KIF6: variants seen among roughly 807,000 people sequenced by gnomAD.
KIF6 encodes kinesin-like protein KIF6.
KIF6 carries 106 observed loss-of-function variants against 112.7 expected under a neutral mutation model. The observed-to-expected ratio is 0.94, with a 90% confidence interval of 0.80 to 1.11. KIF6 has a LOEUF of 1.11. Ranked by LOEUF, KIF6 falls within the 50% of genes least tolerant of loss-of-function variation. KIF6 has a pLI of 0.00. For missense variants in KIF6, 929 were observed against 964.0 expected (o/e 0.96, Z 0.48); for synonymous variants, 339 against 339.9 (o/e 1.00, Z 0.03).
chr6:39,495,829 G>A (rs530587670), intron 13 of KIF6, among the ~76,000 whole-genome samples: 5 of 152,248 alleles, frequency 3.3e-5, no homozygotes, highest in Non-Finnish European at 7.4e-5. Context: ...AACAGCTTCC[G>A]GATGGGGGAG....
intron 14 of KIF6, among the ~76,000 whole-genome samples, chr6:39,427,764 A>G (rs756881815): frequency 1.3e-5 from 2 of 152,174 alleles, no homozygotes; most frequent in African/African-American, 2.4e-5. Context: ...AGGTATGTTT[A>G]AACTCAAAAG....
intron 15 of KIF6, among the ~76,000 whole-genome samples, chr6:39,388,376 C>G (rs1356824562): frequency 6.6e-6 from 1 of 151,800 alleles, no homozygotes; most frequent in Non-Finnish European, 1.5e-5. Flanking sequence ...GGGATTTTGC[C>G]ACCACAAGCA....
intron 3 of KIF6, among the ~76,000 whole-genome samples, chr6:39,702,281 G>A (rs1472150702): frequency 1.3e-5 from 2 of 152,112 alleles, no homozygotes; most frequent in East Asian, 1.9e-4. Context: ...GTGATAGTCT[G>A]ATGGCCCCAG....
intron 15 of KIF6, 84 bp from the exon 16 acceptor site, chr6:39,385,756 GAAAAA>G: frequency 1.2e-5 from 6 of 501,202 alleles, no homozygotes; most frequent in Admixed American, 3.7e-5. Context: ...GCAAGCTACA[GAAAAA>G]AAAAAAAAAA....
At chr6:39,425,973 C>T (rs1269527556) in intron 14 of KIF6, among the ~76,000 whole-genome samples, 1 of 152,158 alleles carries the variant, frequency 6.6e-6, no homozygotes, top group Admixed American at 6.5e-5. Context: ...AAGGATCCAA[C>T]TGAGTGAAGG....
intron 13 of KIF6, among the ~76,000 whole-genome samples, chr6:39,478,160 T>C (rs1257045703): frequency 1.3e-5 from 2 of 152,174 alleles, no homozygotes; most frequent in Non-Finnish European, 2.9e-5. Context: ...CAGTATACAC[T>C]GAACTCAATT....
intron 14 of KIF6, among the ~76,000 whole-genome samples, chr6:39,430,722 T>C (rs78670945): frequency 1.3e-5 from 2 of 152,178 alleles, no homozygotes; most frequent in Non-Finnish European, 2.9e-5. Flanking sequence ...GTCCATAGAC[T>C]TTTTCCCCCC....
At chr6:39,706,061 A>G (rs1789190914) in intron 3 of KIF6, among the ~76,000 whole-genome samples, 1 of 152,084 alleles carries the variant, frequency 6.6e-6, no homozygotes, top group Non-Finnish European at 1.5e-5. Flanking sequence ...TTTTTAATCC[A>G]AGTAACGCTT....
At chr6:39,593,394 T>A (rs1306827368) in intron 7 of KIF6, among the ~76,000 whole-genome samples, 1 of 152,186 alleles carries the variant, frequency 6.6e-6, no homozygotes, top group African/African-American at 2.4e-5. Context: ...CTGTGTGAAA[T>A]TCAAAAATTT....
At position 39,330,547 on chromosome 6, in the gene KIF6, G is replaced by C. The variant is rs1762703056; in HGVS notation, c.*5985C>G. ...CAACATCCCACACCTGGGGCCAGAA[G>C]GGGAGGGGTGCTGGCCTGGGGAGGG... On this transcript the variant is annotated 3_prime_UTR_variant, in exon 23 of 23. Transcript: ENST00000287152. 6.6e-6 allele frequency: 1 copy of C among 152,384 alleles called. No individual in the cohort carries two copies. The allele number at this position is 152,384 out of a possible 1,614,324, so 9.4% of individuals were successfully genotyped here.
intron 3 of KIF6, among the ~76,000 whole-genome samples, chr6:39,712,808 T>G (rs575912857): frequency 5.9e-5 from 9 of 152,008 alleles, no homozygotes; most frequent in Non-Finnish European, 1.0e-4. Flanking sequence ...GTCATGTGGT[T>G]GGGGACAGGG....
At chr6:39,541,343 T>C (rs971726345) in intron 12 of KIF6, among the ~76,000 whole-genome samples, 3 of 152,202 alleles carry the variant, frequency 2.0e-5, no homozygotes, top group Non-Finnish European at 2.9e-5. Flanking sequence ...AAACAACATG[T>C]ACTTACCAAA....
At position 39,608,920 on chromosome 6, in the gene KIF6, A is replaced by G. The variant is rs116926785; in HGVS notation, c.639+4269T>C. On this transcript the variant is annotated intron_variant, in intron 6 of 22. Coordinates refer to ENST00000287152, the MANE Select transcript of KIF6 (RefSeq NM_145027.6). ...GGTGCTGAGAGAATAGAGATGAACA[A>G]GACGAAAGTCTTGTCTTTAAATAGT... Among the ~76,000 whole-genome samples the G allele has an allele frequency of 1.4e-4, 22 of 152,352 alleles. 1 individual carries two copies. The East Asian group carries it at 4.0e-3, about 28-fold the overall frequency.
chr6:39,487,234 G>A (rs1039397582), intron 13 of KIF6, among the ~76,000 whole-genome samples: 7 of 152,068 alleles, frequency 4.6e-5, no homozygotes, highest in Non-Finnish European at 8.8e-5. Context: ...TATATACTAC[G>A]TTGCTGTCAT....
chr6:39,416,118 T>C (rs1376066349), intron 15 of KIF6, among the ~76,000 whole-genome samples: 3 of 152,226 alleles, frequency 2.0e-5, no homozygotes, highest in Non-Finnish European at 2.9e-5. Context: ...CTCTTTTACC[T>C]GCCTGCAAGG....
intron 10 of KIF6, among the ~76,000 whole-genome samples, chr6:39,570,794 C>A (rs992524232): frequency 6.6e-6 from 1 of 152,186 alleles, no homozygotes; most frequent in Non-Finnish European, 1.5e-5. Context: ...TTCTCCTTTG[C>A]TTTCTGCCAT....
At chr6:39,681,666 A>T (rs1407595919) in intron 3 of KIF6, among the ~76,000 whole-genome samples, 1 of 152,166 alleles carries the variant, frequency 6.6e-6, no homozygotes, top group Non-Finnish European at 1.5e-5. Flanking sequence ...CACTAGATAG[A>T]TCTCACTTCT....
At chr6:39,397,523 C>G (rs764659943) in intron 15 of KIF6, among the ~76,000 whole-genome samples, 2 of 149,056 alleles carry the variant, frequency 1.3e-5, no homozygotes, top group African/African-American at 5.0e-5. Flanking sequence ...TCAGGAAGAA[C>G]ATCGTTTCCC....
chr6:39,355,835 A>G (rs1208048774), intron 19 of KIF6, among the ~76,000 whole-genome samples: 2 of 151,420 alleles, frequency 1.3e-5, no homozygotes, highest in Non-Finnish European at 2.9e-5. Context: ...AGTTGGAAAG[A>G]TAGTGCATGG....
Sources: gnomAD v4.1 joint callset for allele counts (sites outside exome capture counted in the v4.1 genomes callset) on GRCh38, gnomAD v4.1.1 for gene constraint, MANE v1.5 for transcripts, NCBI Gene and HGNC (gene_info 2026-07-23, HGNC 2026-07-21) for gene names.